The following IKZF1 variants were observed in gnomAD, a reference collection of about 807,000 sequenced individuals.
IKZF1 encodes DNA-binding protein Ikaros.
IKZF1 carries 10 observed loss-of-function variants against 51.7 expected under a neutral mutation model. The observed-to-expected ratio is 0.19, with a 90% confidence interval of 0.12 to 0.33. The LOEUF is 0.33. Ranked by LOEUF, IKZF1 falls within the 10% of genes least tolerant of loss-of-function variation. The probability of loss-of-function intolerance (pLI) is 1.00; values close to 1 mark genes in which losing one functional copy is unlikely to be tolerated. For synonymous variants in IKZF1, 280 were observed against 282.3 expected (o/e 0.99, Z 0.08); for missense variants, 484 against 707.5 (o/e 0.68, Z 3.58).
At chr7:50,389,607 C>T (rs1474882036) in intron 6 of IKZF1, among the ~76,000 whole-genome samples, 1 of 152,192 alleles carries the variant, frequency 6.6e-6, no homozygotes, top group Non-Finnish European at 1.5e-5. Context: ...GGTATGGCCT[C>T]AAAAGGTGCA....
chr7:50,327,654 T>G lies in IKZF1; in HGVS notation c.57T>G (p.Pro19=), dbSNP rs755989663. Residue 19 remains proline, a synonymous_variant, in exon 3 of 8, where the codon CCT becomes CCG. Coordinates refer to ENST00000331340, the MANE Select transcript of IKZF1 (RefSeq NM_006060.6). ...MSQVSGKESP[P]VSDTPDEGDE... ...TCTCATCAGGGAAGGAAAGCCCCCCTGTAAGCGATACTCCAGATGAGGGCG... is the reference window on the plus strand; with the variant it reads ...TCTCATCAGGGAAGGAAAGCCCCCCGGTAAGCGATACTCCAGATGAGGGCG... 1 of 1,612,724 alleles carries G rather than the reference T, an allele frequency of 6.2e-7. No homozygotes were observed. The highest frequency in any genetic ancestry group is 2.2e-5 in the East Asian group (1 of 44,810).
chr7:50,321,422 C>T (rs560154823), intron 2 of IKZF1, among the ~76,000 whole-genome samples: 96 of 152,318 alleles, frequency 6.3e-4, no homozygotes, highest in Non-Finnish European at 1.1e-3. Flanking sequence ...GTAATCCTCA[C>T]TCATGGAAGA....
chr7:50,319,960 G>A (rs950866558), intron 2 of IKZF1, among the ~76,000 whole-genome samples: 1 of 152,158 alleles, frequency 6.6e-6, no homozygotes, highest in African/African-American at 2.4e-5. Flanking sequence ...CTGCTCCCCT[G>A]CTTGGTGGTT....
In IKZF1 at chr7:50,398,651, G is replaced by T. The variant is rs1048290099; in HGVS notation, c.851-1267G>T. 2.0e-5 allele frequency among the ~76,000 whole-genome samples: 3 copies of T among 152,322 alleles called. No homozygotes were observed. In the East Asian group the frequency reaches 5.8e-4, roughly 29 times the overall value. On this transcript the variant is annotated intron_variant, in intron 7 of 7. Transcript: ENST00000331340. ...TCCCCTAGTAGCTGTCTGCTGCTAA[G>T]GATGGGGACCATTCTCACTTACTCA...
chr7:50,310,689 C>T (rs1433370754), intron 1 of IKZF1, among the ~76,000 whole-genome samples: 3 of 152,318 alleles, frequency 2.0e-5, no homozygotes, highest in South Asian at 2.1e-4. Flanking sequence ...GGACAGCCAG[C>T]GCTGAGCTCC....
At chr7:50,309,904 C>T (rs1451319884) in intron 1 of IKZF1, among the ~76,000 whole-genome samples, 1 of 152,118 alleles carries the variant, frequency 6.6e-6, no homozygotes, top group African/African-American at 2.4e-5. Context: ...GAAGTGTGTT[C>T]CAGTGCTTTT....
intron 7 of IKZF1, among the ~76,000 whole-genome samples, chr7:50,399,120 A>G (rs531105739): frequency 1.9e-4 from 29 of 152,326 alleles, no homozygotes; most frequent in African/African-American, 6.5e-4. Flanking sequence ...TTGTACATCA[A>G]TAATTCTCAT....
chr7:50,369,245 T>C (rs992512106), intron 3 of IKZF1: 2 of 343,090 alleles, frequency 5.8e-6, no homozygotes, highest in Admixed American at 9.5e-5. Context: ...TGTTGAAGTA[T>C]TTTGAGAAGT....
intron 3 of IKZF1, chr7:50,368,199 C>T: frequency 1.4e-6 from 1 of 703,270 alleles, no homozygotes; most frequent in Non-Finnish European, 2.6e-6. Context: ...TAGACACCTA[C>T]CATATCATTT....
chr7:50,377,062 G>T (rs1211790534), intron 4 of IKZF1: 2 of 511,730 alleles, frequency 3.9e-6, no homozygotes, highest in East Asian at 7.3e-5. Context: ...CTTGGCGAGG[G>T]CTGCTATTAT....
chr7:50,366,501 G>A (rs1480020180), intron 3 of IKZF1, among the ~76,000 whole-genome samples: 2 of 152,178 alleles, frequency 1.3e-5, no homozygotes, highest in East Asian at 3.8e-4. Flanking sequence ...CCCCAGTGCT[G>A]TAGTCATCAT....
intron 3 of IKZF1, among the ~76,000 whole-genome samples, chr7:50,373,914 G>A (rs915655685): frequency 6.6e-6 from 1 of 152,178 alleles, no homozygotes; most frequent in Non-Finnish European, 1.5e-5. Context: ...CTGGCAGTGG[G>A]GAGAGGTTAG....
intron 3 of IKZF1, among the ~76,000 whole-genome samples, chr7:50,350,020 C>A (rs1039968385): frequency 4.6e-5 from 7 of 152,202 alleles, no homozygotes; most frequent in Admixed American, 4.6e-4. Context: ...CATGAAATCA[C>A]CCCCACATCA....
intron 2 of IKZF1, among the ~76,000 whole-genome samples, chr7:50,320,717 C>T (rs1381093262): frequency 2.0e-5 from 3 of 152,156 alleles, no homozygotes; most frequent in Non-Finnish European, 4.4e-5. Context: ...TATTCAGGCA[C>T]TTCATGGTAC....
chr7:50,367,949 G>T, intron 3 of IKZF1: 2 of 622,376 alleles, frequency 3.2e-6, no homozygotes, highest in Non-Finnish European at 5.7e-6. Flanking sequence ...GTTAAACTCT[G>T]ACTATACTCT....
intron 6 of IKZF1, 49 bp from the exon 7 acceptor site, chr7:50,391,670 GCGACTGAACC>G (rs1815108014): frequency 6.3e-7 from 1 of 1,588,002 alleles, no homozygotes; most frequent in African/African-American, 1.4e-5. Flanking sequence ...AACATTGGAC[GCGACTGAACC>G]CTTTAAACAT....
At chr7:50,391,353 G>C (rs1220695620) in intron 6 of IKZF1, among the ~76,000 whole-genome samples, 1 of 152,196 alleles carries the variant, frequency 6.6e-6, no homozygotes, top group African/African-American at 2.4e-5. Flanking sequence ...GCGTCTCAGA[G>C]GGCTGCTGTT....
chr7:50,373,674 A>G (rs1562856307), intron 3 of IKZF1, among the ~76,000 whole-genome samples: 1 of 152,202 alleles, frequency 6.6e-6, no homozygotes, highest in Non-Finnish European at 1.5e-5. Context: ...ATAATCTTAG[A>G]TTAAGGAGTA....
intron 3 of IKZF1, among the ~76,000 whole-genome samples, chr7:50,332,014 C>T (rs1454649200): frequency 2.0e-5 from 3 of 152,180 alleles, no homozygotes; most frequent in African/African-American, 4.8e-5. Flanking sequence ...AGAACTCTCA[C>T]CTCTCTGAAG....
Sources: gnomAD v4.1 joint callset for allele counts (sites outside exome capture counted in the v4.1 genomes callset) on GRCh38, gnomAD v4.1.1 for gene constraint, MANE v1.5 for transcripts, NCBI Gene and HGNC (gene_info 2026-07-23, HGNC 2026-07-21) for gene names.